The following RCAN2 variants were observed in gnomAD, a reference collection of about 807,000 sequenced individuals.
The protein encoded by RCAN2 is regulator of calcineurin 2.
A neutral mutation model predicts 23.6 loss-of-function variants in RCAN2; 9 were observed. The ratio of observed to expected loss-of-function variants is 0.38; its 90% CI spans 0.23 to 0.67. RCAN2 has a LOEUF of 0.67. Ranked by LOEUF, RCAN2 falls within the 30% of genes least tolerant of loss-of-function variation. RCAN2 has a pLI of 0.51. For synonymous variants in RCAN2, 109 were observed against 115.7 expected, an observed-to-expected ratio of 0.94 and a Z score of 0.37; for missense variants, 273 against 302.3, an observed-to-expected ratio of 0.90 and a Z score of 0.72.
At chr6:46,364,547 C>T (rs571985703) in intron 2 of RCAN2, among the ~76,000 whole-genome samples, 13 of 152,284 alleles carry the variant, frequency 8.5e-5, no homozygotes, top group Admixed American at 2.0e-4. Context: ...TGTGCTTACG[C>T]GGAGACTGAG....
intron 4 of RCAN2, among the ~76,000 whole-genome samples, chr6:46,232,398 G>A (rs986349755): frequency 5.9e-5 from 9 of 152,200 alleles, no homozygotes; most frequent in African/African-American, 2.2e-4. Flanking sequence ...TTATCTGAGG[G>A]TTGTATCAAA....
At chr6:46,402,491 A>T (rs1170978472) in intron 2 of RCAN2, among the ~76,000 whole-genome samples, 2 of 152,150 alleles carry the variant, frequency 1.3e-5, no homozygotes, top group Non-Finnish European at 2.9e-5. Context: ...GCCAGCCATA[A>T]AACCTAAAAA....
Position 46,248,778 on chromosome 6 carries a change from A to G in RCAN2, c.344T>C (p.Ile115Thr). ...SNPKSAARAR[I>T]ELHETQFRGK... is the part of the protein sequence containing the mutation. ...TCTGAATTGGGTTTCATGAAGCTCT[A>G]TCCTAGCTCGGGCTGCAGATTTAGG... The change falls in exon 3 of 5, where the codon ATA becomes ACA. Residue 115 changes from isoleucine to threonine, a missense_variant. Transcript: ENST00000371374. The G allele has an allele frequency of 6.2e-7, 1 of 1,613,536 alleles. No homozygotes were observed.
chr6:46,477,704 A>C (rs193021712), intron 1 of RCAN2, among the ~76,000 whole-genome samples: 32 of 152,330 alleles, frequency 2.1e-4, no homozygotes, highest in African/African-American at 7.5e-4. Context: ...GTCGTTACCA[A>C]TTCCTACAAA....
rs183431252 is a variant in RCAN2, at chr6:46,464,607, T to C, written c.-2-7629A>G. Among the ~76,000 whole-genome samples, 9 of 152,304 alleles carry C rather than the reference T, an allele frequency of 5.9e-5. No individual in the cohort carries two copies. In the East Asian group the frequency reaches 7.7e-4, roughly 13 times the overall value. ...CATGATATTCTTAGGCTATGCTCCA[T>C]AGAAACCCATTAGAGCTCTTTCTGA... is the stretch of plus-strand genomic sequence containing the variant. On this transcript the variant is annotated intron_variant, in intron 1 of 4. Coordinates refer to ENST00000371374, the MANE Select transcript of RCAN2 (RefSeq NM_001251974.2).
chr6:46,302,143 G>C (rs1035303443), intron 2 of RCAN2, among the ~76,000 whole-genome samples: 1 of 152,012 alleles, frequency 6.6e-6, no homozygotes, highest in African/African-American at 2.4e-5. Flanking sequence ...AAATCAATAG[G>C]ACTTGCTGAT....
chr6:46,469,252 G>T (rs1342621610), intron 1 of RCAN2, among the ~76,000 whole-genome samples: 1 of 152,156 alleles, frequency 6.6e-6, no homozygotes, highest in Admixed American at 6.5e-5. Flanking sequence ...CACAATTCAA[G>T]ATGATCCGTA....
intron 2 of RCAN2, among the ~76,000 whole-genome samples, chr6:46,381,474 G>A (rs1208092493): frequency 6.6e-6 from 1 of 152,162 alleles, no homozygotes; most frequent in Non-Finnish European, 1.5e-5. Flanking sequence ...AACAGGAGAT[G>A]AGCTATATCG....
chr6:46,252,228 T>C (rs958243497), intron 2 of RCAN2, among the ~76,000 whole-genome samples: 3 of 152,168 alleles, frequency 2.0e-5, no homozygotes, highest in Non-Finnish European at 4.4e-5. Context: ...CAAAACAGTG[T>C]CACCAAAAGC....
chr6:46,394,511 G>A (rs1766032407), intron 2 of RCAN2, among the ~76,000 whole-genome samples: 1 of 152,092 alleles, frequency 6.6e-6, no homozygotes, highest in Non-Finnish European at 1.5e-5. Flanking sequence ...CAAAAGGCAG[G>A]CCCAGTCTTA....
rs181657415 is a variant in RCAN2, at chr6:46,387,459, T to C, written c.225+69293A>G. On this transcript the variant is annotated intron_variant, in intron 2 of 4. Coordinates refer to ENST00000371374, the MANE Select transcript of RCAN2 (RefSeq NM_001251974.2). ...TGGGTGAAGGATATGAACAGACACT[T>C]CTCAAAAGATGACATTTATGCAGCC... is the stretch of plus-strand genomic sequence containing the variant. Among the ~76,000 whole-genome samples, 138 of 152,188 alleles carry C rather than the reference T, an allele frequency of 9.1e-4. No homozygotes were observed. The East Asian group carries it at 0.023, about 25-fold the overall frequency.
At chr6:46,253,790 C>T (rs549200389) in intron 2 of RCAN2, among the ~76,000 whole-genome samples, 22 of 152,184 alleles carry the variant, frequency 1.4e-4, no homozygotes, top group African/African-American at 5.3e-4. Flanking sequence ...GATTATAATA[C>T]CATATTTTTA....
intron 4 of RCAN2, among the ~76,000 whole-genome samples, chr6:46,230,982 G>A (rs1765865197): frequency 6.6e-6 from 1 of 152,204 alleles, no homozygotes; most frequent in Non-Finnish European, 1.5e-5. Context: ...GCCCTTCTAA[G>A]TGATGCTGGG....
intron 2 of RCAN2, among the ~76,000 whole-genome samples, chr6:46,290,824 A>G (rs1762534770): frequency 6.6e-6 from 1 of 152,250 alleles, no homozygotes; most frequent in South Asian, 2.1e-4. Context: ...TAGTAGCAAG[A>G]TCAGGATAAT....
chr6:46,243,809 C>CAA (rs376524527), intron 4 of RCAN2, among the ~76,000 whole-genome samples: 33,760 of 54,848 alleles, frequency 0.62, 11,159 homozygotes, highest in Non-Finnish European at 0.66. Flanking sequence ...GATTCTGTCT[C>CAA]AAAAAAAAAA....
chr6:46,419,505 G>A (rs1379637645), intron 2 of RCAN2, among the ~76,000 whole-genome samples: 1 of 152,162 alleles, frequency 6.6e-6, no homozygotes, highest in Non-Finnish European at 1.5e-5. Flanking sequence ...GAAGGTACAT[G>A]TTAATATGAG....
chr6:46,234,581 C>T (rs1766024319), intron 4 of RCAN2, among the ~76,000 whole-genome samples: 1 of 152,214 alleles, frequency 6.6e-6, no homozygotes, highest in South Asian at 2.1e-4. Flanking sequence ...CCATCACATG[C>T]TCACTCCTCT....
intron 4 of RCAN2, among the ~76,000 whole-genome samples, chr6:46,237,060 T>C (rs1317359981): frequency 1.3e-5 from 2 of 152,262 alleles, no homozygotes; most frequent in African/African-American, 4.8e-5. Flanking sequence ...TCATAGCCCC[T>C]CTCTGTCCCT....
intron 2 of RCAN2, among the ~76,000 whole-genome samples, chr6:46,303,202 C>T (rs557213949): frequency 2.0e-5 from 3 of 151,880 alleles, no homozygotes; most frequent in East Asian, 1.9e-4. Context: ...CTGGGTCCTG[C>T]GTTCCTTAGT....
Sources: allele counts gnomAD v4.1 joint callset (sites outside exome capture counted in the v4.1 genomes callset), GRCh38; gene constraint gnomAD v4.1.1; transcripts MANE v1.5; gene names NCBI Gene and HGNC (gene_info 2026-07-23, HGNC 2026-07-21).